Variants in PAK2 observed in about 807,000 individuals in gnomAD.
The protein encoded by PAK2 is serine/threonine-protein kinase PAK 2.
PAK2 carries 21 observed loss-of-function variants against 65.9 expected under a neutral mutation model. The observed-to-expected ratio is 0.32, with a 90% confidence interval of 0.23 to 0.46. The LOEUF (loss-of-function observed/expected upper bound fraction) is 0.46, where lower values mean the gene tolerates loss of function less well. Among genes scored for constraint, PAK2 ranks in the 20% least tolerant of loss-of-function variants. PAK2 has a pLI of 1.00. For synonymous variants in PAK2, 204 were observed against 219.7 expected, an observed-to-expected ratio of 0.93 and a Z score of 0.63; for missense variants, 324 against 642.6, an observed-to-expected ratio of 0.50 and a Z score of 5.36.
At chr3:196,819,573 T>A (rs940883129) in intron 12 of PAK2, among the ~76,000 whole-genome samples, 1 of 152,228 alleles carries the variant, frequency 6.6e-6, no homozygotes, top group African/African-American at 2.4e-5. Context: ...TAGATATTAT[T>A]CATGCATATG....
At chr3:196,754,896 C>T (rs1044344784) in intron 1 of PAK2, among the ~76,000 whole-genome samples, 1 of 152,226 alleles carries the variant, frequency 6.6e-6, no homozygotes, top group African/African-American at 2.4e-5. Flanking sequence ...ATTCTTGATT[C>T]TGCTTTGATT....
chr3:196,801,791 C>A, intron 2 of PAK2, 136 bp from the exon 3 acceptor site: 1 of 553,718 alleles, frequency 1.8e-6, no homozygotes, highest in East Asian at 3.1e-5. Context: ...TGAGATTGCA[C>A]CACTGCACTC....
chr3:196,785,529 C>A (rs1038440120), intron 2 of PAK2, among the ~76,000 whole-genome samples: 2 of 152,100 alleles, frequency 1.3e-5, no homozygotes. Context: ...TTTAAATTGG[C>A]CTTTCCCTGA....
chr3:196,775,472 T>G (rs1490768066), intron 1 of PAK2, among the ~76,000 whole-genome samples: 1 of 151,812 alleles, frequency 6.6e-6, no homozygotes, highest in Non-Finnish European at 1.5e-5. Flanking sequence ...AAGCTCCGCC[T>G]CCCGGGTTCA....
chr3:196,772,833 G>A (rs1300254815), intron 1 of PAK2, among the ~76,000 whole-genome samples: 2 of 152,148 alleles, frequency 1.3e-5, no homozygotes, highest in African/African-American at 4.8e-5. Context: ...GAAAGTCTGG[G>A]TGATTAATTA....
intron 1 of PAK2, among the ~76,000 whole-genome samples, chr3:196,746,700 C>T (rs1308951040): frequency 6.6e-6 from 1 of 151,798 alleles, no homozygotes; most frequent in Admixed American, 6.6e-5. Context: ...GTCCCAGCTA[C>T]TCGGGAGGCT....
At chr3:196,811,386 C>CTTT (rs745945503) in intron 8 of PAK2, among the ~76,000 whole-genome samples, 1 of 38,762 alleles carries the variant, frequency 2.6e-5, no homozygotes. Context: ...CCTTCCTTCC[C>CTTT]TTTTTTTTTT....
intron 9 of PAK2, among the ~76,000 whole-genome samples, chr3:196,812,479 T>C (rs1208989294): frequency 6.6e-6 from 1 of 152,186 alleles, no homozygotes; most frequent in Non-Finnish European, 1.5e-5. Flanking sequence ...AATTGTTTCC[T>C]CAGCTTGAAG....
In PAK2 at chr3:196,828,718, A is replaced by G. The variant is rs1560122084; in HGVS notation, c.*313A>G. The G allele has an allele frequency of 1.1e-5, 3 of 283,936 alleles. No homozygotes were observed. Among genetic ancestry groups the G allele is most frequent in the Non-Finnish European group, 1.3e-5 (2 of 152,176 alleles). 17.6% of individuals were successfully genotyped at this position (283,936 alleles called of 1,614,324 possible). On this transcript the variant is annotated 3_prime_UTR_variant, in exon 15 of 15. Coordinates refer to ENST00000327134, the MANE Select transcript of PAK2 (RefSeq NM_002577.4). Reference sequence around the variant, plus strand: ...ATTTTACTTTGCTGACTTTGTTGTAATAGATCCCATTCATTGTCCCCTTTG... The same window carrying G: ...ATTTTACTTTGCTGACTTTGTTGTAGTAGATCCCATTCATTGTCCCCTTTG...
chr3:196,790,182 G>A (rs761321886), intron 2 of PAK2, among the ~76,000 whole-genome samples: 1 of 152,168 alleles, frequency 6.6e-6, no homozygotes, highest in African/African-American at 2.4e-5. Flanking sequence ...ACAGATAAAG[G>A]GTTTCTTTTA....
intron 1 of PAK2, 144 bp from the exon 2 acceptor site, chr3:196,782,482 A>G (rs2108739728): frequency 3.6e-6 from 2 of 548,688 alleles, no homozygotes; most frequent in Non-Finnish European, 6.6e-6. Context: ...TCTTTTACAC[A>G]TTGATTTTTC....
intron 1 of PAK2, among the ~76,000 whole-genome samples, chr3:196,762,352 G>A (rs1043689603): frequency 1.0e-4 from 14 of 139,602 alleles, no homozygotes; most frequent in African/African-American, 3.4e-4. Context: ...AGGCGGCTGG[G>A]AGGTGGAGGT....
At chr3:196,747,310 C>A (rs1713419199) in intron 1 of PAK2, 1 of 152,122 alleles carries the variant, frequency 6.6e-6, no homozygotes, top group Non-Finnish European at 1.5e-5. Context: ...TACGATACCG[C>A]CACTGTGCAA....
intron 1 of PAK2, among the ~76,000 whole-genome samples, chr3:196,759,524 T>TTTTTTTTTTTTTTTTTTTG: frequency 7.4e-6 from 1 of 134,832 alleles, no homozygotes; most frequent in Non-Finnish European, 1.6e-5. Context: ...TTTTTTTTTT[T>TTTTTTTTTTTTTTTTTTTG]TTTTTTTTTT....
intron 1 of PAK2, among the ~76,000 whole-genome samples, chr3:196,780,992 G>A (rs1171049610): frequency 6.6e-6 from 1 of 152,114 alleles, no homozygotes; most frequent in Non-Finnish European, 1.5e-5. Context: ...GTTTCACCAT[G>A]TTAGCCAGGA....
intron 1 of PAK2, among the ~76,000 whole-genome samples, chr3:196,764,253 T>C (rs1232321400): frequency 6.6e-6 from 1 of 152,146 alleles, no homozygotes; most frequent in Non-Finnish European, 1.5e-5. Context: ...GTTTGTCAAA[T>C]AAACATTTTA....
At chr3:196,780,849 C>T (rs370440801) in intron 1 of PAK2, among the ~76,000 whole-genome samples, 50 of 152,198 alleles carry the variant, frequency 3.3e-4, no homozygotes, top group African/African-American at 1.1e-3. Context: ...CATGCAGTGG[C>T]GCAATCTCGG....
chr3:196,815,823 T>C (rs1716009410), intron 11 of PAK2, among the ~76,000 whole-genome samples: 1 of 151,506 alleles, frequency 6.6e-6, no homozygotes, highest in Non-Finnish European at 1.5e-5. Flanking sequence ...CACTCAACCG[T>C]GGAAACTAGA....
chr3:196,823,416 C>G (rs147275902), intron 13 of PAK2, among the ~76,000 whole-genome samples: 39 of 152,164 alleles, frequency 2.6e-4, no homozygotes, highest in African/African-American at 9.2e-4. Context: ...GCAAAAAGGT[C>G]TACTTGAACC....
Sources: gnomAD v4.1 joint callset for allele counts (sites outside exome capture counted in the v4.1 genomes callset) on GRCh38, gnomAD v4.1.1 for gene constraint, MANE v1.5 for transcripts, NCBI Gene and HGNC (gene_info 2026-07-23, HGNC 2026-07-21) for gene names.